The following SMOC1 variants were observed in gnomAD, a reference collection of about 807,000 sequenced individuals.
SMOC1 encodes SPARC related modular calcium binding 1, also known as SPARC-related modular calcium-binding protein 1.
A neutral mutation model predicts 56.3 loss-of-function variants in SMOC1; 22 were observed. The ratio of observed to expected loss-of-function variants is 0.39; its 90% CI spans 0.28 to 0.56. The LOEUF (loss-of-function observed/expected upper bound fraction) is 0.56. Ranked by LOEUF, SMOC1 falls within the 20% of genes least tolerant of loss-of-function variation. SMOC1 has a pLI of 0.61. For synonymous variants in SMOC1, 193 were observed against 215.0 expected, an observed-to-expected ratio of 0.90 and a Z score of 0.89; for missense variants, 509 against 565.4, an observed-to-expected ratio of 0.90 and a Z score of 1.01.
chr14:69,938,639 C>A (rs1882416498), intron 1 of SMOC1, among the ~76,000 whole-genome samples: 1 of 151,860 alleles, frequency 6.6e-6, no homozygotes, highest in African/African-American at 2.4e-5. Context: ...GCTCACCTGG[C>A]CCATTTGGCT....
chr14:69,902,370 C>T (rs575971891), intron 1 of SMOC1, among the ~76,000 whole-genome samples: 21 of 152,290 alleles, frequency 1.4e-4, no homozygotes, highest in African/African-American at 4.8e-4. Flanking sequence ...TAGCTTCCTA[C>T]GGTAGATTAA....
chr14:69,911,311 A>T (rs919020621), intron 1 of SMOC1, among the ~76,000 whole-genome samples: 3 of 152,264 alleles, frequency 2.0e-5, no homozygotes, highest in African/African-American at 7.2e-5. Context: ...TAGAAGGCCC[A>T]GGAGAGCCAT....
At chr14:69,974,784 T>C (rs762008008) in intron 3 of SMOC1, among the ~76,000 whole-genome samples, 1 of 152,112 alleles carries the variant, frequency 6.6e-6, no homozygotes, top group Non-Finnish European at 1.5e-5. Flanking sequence ...GCAGACCTGA[T>C]CTTGGAGGCT....
chr14:69,953,420 A>T lies in SMOC1; in HGVS notation c.266A>T (p.Asp89Val). The change falls in exon 3 of 12, where the codon GAT becomes GTT. Residue 89 changes from aspartate to valine, a missense_variant and splice_region_variant. Around this residue, in one of 3 missense-constraint regions of SMOC1, gnomAD observed 315 missense variants for 333.1 expected, o/e 0.95. Transcript: ENST00000361956. ...GAAATCTGCTCCTCTCCTCTTTCAG[A>T]TGCTGGCCAGAGCAAGTGTCGCCTG... ...LGVVHRGRCK[D>V]AGQSKCRLER... is the part of the protein sequence containing the mutation. The T allele has an allele frequency of 6.2e-7, 1 of 1,614,088 alleles. No individual in the cohort carries two copies. The highest frequency in any genetic ancestry group is 8.5e-7 in the Non-Finnish European group (1 of 1,179,928).
At chr14:69,953,357 T>A in intron 2 of SMOC1, 63 bp from the exon 3 acceptor site, 1 of 1,507,248 alleles carries the variant, frequency 6.6e-7, no homozygotes, top group East Asian at 2.3e-5. Flanking sequence ...CTCAGCCATT[T>A]TGTCCCTCGG....
chr14:70,026,427 T>G (rs1343188683), intron 11 of SMOC1, among the ~76,000 whole-genome samples: 2 of 152,178 alleles, frequency 1.3e-5, no homozygotes, highest in Admixed American at 1.3e-4. Context: ...CTCTGAAGCC[T>G]TTCCAGGCAC....
intron 1 of SMOC1, among the ~76,000 whole-genome samples, chr14:69,900,230 C>T (rs1884206856): frequency 6.6e-6 from 1 of 152,160 alleles, no homozygotes; most frequent in Non-Finnish European, 1.5e-5. Context: ...AAGCAGCCAC[C>T]CAACTACCTA....
In SMOC1 at chr14:69,937,501, A is replaced by G. The variant is rs547380485; in HGVS notation, c.100-14637A>G. Among the ~76,000 whole-genome samples, 5 of 152,046 alleles carry G rather than the reference A, an allele frequency of 3.3e-5. No individual in the cohort carries two copies. In the East Asian group the frequency reaches 9.7e-4, roughly 29 times the overall value. ...TGCCTGTAGAATTTGACATGGTTTT[A>G]TTTACTTTTCCTTGGCCCAGTTTGG... On this transcript the variant is annotated intron_variant, in intron 1 of 11. Coordinates refer to ENST00000361956, the MANE Select transcript of SMOC1 (RefSeq NM_001034852.3).
intron 1 of SMOC1, among the ~76,000 whole-genome samples, chr14:69,935,033 T>G (rs1402477217): frequency 6.6e-6 from 1 of 152,264 alleles, no homozygotes; most frequent in Non-Finnish European, 1.5e-5. Context: ...ATTTCTATTC[T>G]ACTATGACTT....
At chr14:69,980,969 C>T (rs1190310283) in intron 5 of SMOC1, among the ~76,000 whole-genome samples, 1 of 152,090 alleles carries the variant, frequency 6.6e-6, no homozygotes, top group Non-Finnish European at 1.5e-5. Flanking sequence ...ATCGGCTGTC[C>T]CTCCCAGGCT....
At chr14:69,992,518 T>G (rs1303930070) in intron 6 of SMOC1, 45 bp downstream of exon 6, 5 of 1,455,684 alleles carry the variant, frequency 3.4e-6, no homozygotes, top group Non-Finnish European at 4.8e-6. Context: ...CCACTCATTT[T>G]CAGGTTTGGG....
intron 1 of SMOC1, among the ~76,000 whole-genome samples, chr14:69,897,258 T>C (rs1270128693): frequency 6.6e-6 from 1 of 152,182 alleles, no homozygotes; most frequent in African/African-American, 2.4e-5. Context: ...GAACTGCAGT[T>C]CAGAAACAAT....
At position 70,031,993 on chromosome 14, in the gene SMOC1, G is replaced by C. The variant is rs1217228830; in HGVS notation, c.*1735G>C. The C allele has an allele frequency of 6.6e-6, 1 of 152,358 alleles. No homozygotes were observed. The highest frequency in any genetic ancestry group is 2.4e-5 in the African/African-American group (1 of 41,474). The allele number at this position is 152,358 out of a possible 1,614,324, so 9.4% of individuals were successfully genotyped here. A position where few individuals can be genotyped will look rare whatever the true frequency, so the allele number is the denominator to read the frequency against. Reference sequence around the variant, plus strand: ...CCTTCTCGGGACAGGATCTGATGGGGTCTTGGGCTAAAGGAGGTCCCTGCT... The same window carrying C: ...CCTTCTCGGGACAGGATCTGATGGGCTCTTGGGCTAAAGGAGGTCCCTGCT... On this transcript the variant is annotated 3_prime_UTR_variant, in exon 12 of 12. Transcript: ENST00000361956.
At chr14:69,884,644 C>T (rs767009664) in intron 1 of SMOC1, among the ~76,000 whole-genome samples, 2 of 152,132 alleles carry the variant, frequency 1.3e-5, no homozygotes, top group Non-Finnish European at 2.9e-5. Flanking sequence ...TTTCATTCTT[C>T]TGCATGTGGA....
chr14:69,937,925 A>C (rs547417125), intron 1 of SMOC1, among the ~76,000 whole-genome samples: 1 of 152,300 alleles, frequency 6.6e-6, no homozygotes, highest in Non-Finnish European at 1.5e-5. Context: ...ATGATATAGC[A>C]AGACTGGGAT....
intron 7 of SMOC1, among the ~76,000 whole-genome samples, chr14:70,010,234 G>A (rs1885288335): frequency 1.3e-5 from 2 of 152,222 alleles, no homozygotes; most frequent in South Asian, 4.1e-4. Context: ...CCTTGTTTCT[G>A]CTCCTCCTGG....
intron 5 of SMOC1, among the ~76,000 whole-genome samples, chr14:69,978,865 A>G (rs1884073666): frequency 6.6e-6 from 1 of 152,220 alleles, no homozygotes; most frequent in South Asian, 2.1e-4. Flanking sequence ...AACATGAGCC[A>G]TAGGTCCCTG....
chr14:69,956,506 A>G (rs1883192205), intron 3 of SMOC1, among the ~76,000 whole-genome samples: 1 of 134,272 alleles, frequency 7.4e-6, no homozygotes, highest in South Asian at 2.3e-4. Flanking sequence ...ACATTGCTTT[A>G]ATATTCTTTA....
chr14:69,983,205 C>G (rs1484105918), intron 5 of SMOC1, among the ~76,000 whole-genome samples: 1 of 152,148 alleles, frequency 6.6e-6, no homozygotes, highest in African/African-American at 2.4e-5. Flanking sequence ...TCCTCATCTC[C>G]AAGGATTGGA....
Sources: allele counts gnomAD v4.1 joint callset (sites outside exome capture counted in the v4.1 genomes callset), GRCh38; gene constraint gnomAD v4.1.1; regional missense constraint gnomAD v4.1.1; transcripts MANE v1.5; gene names NCBI Gene and HGNC (gene_info 2026-07-23, HGNC 2026-07-21).